Variants in KLRD1 observed in about 807,000 individuals in gnomAD.
KLRD1 encodes the protein natural killer cells antigen CD94.
A neutral mutation model predicts 22.6 loss-of-function variants in KLRD1; 21 were observed. The ratio of observed to expected loss-of-function variants is 0.93; its 90% CI spans 0.66 to 1.34. The LOEUF is 1.34. Ranked by LOEUF, KLRD1 falls within the 40% of genes most tolerant of loss-of-function variation. The probability of loss-of-function intolerance (pLI) is 0.00; values close to 1 mark genes in which losing one functional copy is unlikely to be tolerated. For missense variants in KLRD1, 183 were observed against 208.6 expected (o/e 0.88, Z 0.76); for synonymous variants, 59 against 71.1 (o/e 0.83, Z 0.85).
intron 1 of KLRD1, among the ~76,000 whole-genome samples, chr12:10,278,491 T>C (rs1423980313): frequency 1.3e-5 from 2 of 152,222 alleles, no homozygotes; most frequent in Non-Finnish European, 2.9e-5. Context: ...AAAAGCAATT[T>C]CTGACTCTAC....
chr12:10,254,469 A>G (rs1338926724), intron 1 of KLRD1, among the ~76,000 whole-genome samples: 1 of 151,876 alleles, frequency 6.6e-6, no homozygotes, highest in Non-Finnish European at 1.5e-5. Flanking sequence ...AACAGAGTAA[A>G]CAGACAATGT....
At chr12:10,282,257 C>T (rs1565458266) in intron 1 of KLRD1, among the ~76,000 whole-genome samples, 1 of 151,102 alleles carries the variant, frequency 6.6e-6, no homozygotes, top group Admixed American at 6.6e-5. Context: ...TGTATACATA[C>T]ATTTTTTTTT....
chr12:10,324,814 G>GTATATATATATA lies in KLRD1; in HGVS notation c.*10022_*10023insATATATATATAT, dbSNP rs1246906245. 1 of 11,950 alleles carries GTATATATATATA rather than the reference G, an allele frequency of 8.4e-5. No individual in the cohort carries two copies. The highest frequency in any genetic ancestry group is 1.8e-4 in the Non-Finnish European group (1 of 5,582). 0.7% of individuals were successfully genotyped at this position (11,950 alleles called of 1,614,324 possible). On this transcript the variant is annotated 3_prime_UTR_variant, in exon 6 of 6. Transcript: ENST00000336164. ...TGTAAGTATATATGTATATGTGTGT[G>GTATATATATATA]TGTGTATATATATATATATATATAT... is the stretch of plus-strand genomic sequence containing the variant.
At chr12:10,294,150 T>A (rs1199207088) in intron 1 of KLRD1, among the ~76,000 whole-genome samples, 12 of 152,224 alleles carry the variant, frequency 7.9e-5, no homozygotes, top group Non-Finnish European at 1.6e-4. Flanking sequence ...GAATATGGAC[T>A]TGAAGATTTC....
At position 10,320,441 on chromosome 12, in the gene KLRD1, T is replaced by C. The variant is rs1950301937; in HGVS notation, c.*5648T>C. The C allele has an allele frequency of 6.6e-6, 1 of 152,158 alleles. No homozygotes were observed. Among genetic ancestry groups the C allele is most frequent in the Admixed American group, 6.5e-5 (1 of 15,272 alleles). 9.4% of individuals were successfully genotyped at this position (152,158 alleles called of 1,614,324 possible). A position where few individuals can be genotyped will look rare whatever the true frequency, so the allele number is the denominator to read the frequency against. On this transcript the variant is annotated 3_prime_UTR_variant, in exon 6 of 6. Coordinates refer to ENST00000336164, the MANE Select transcript of KLRD1 (RefSeq NM_002262.5). Reference sequence around the variant, plus strand: ...AGTACCAGAAAGTTTAGCAACACTTTTGTCTGTAGCATTGTGGAAAGTAGA... The same window carrying C: ...AGTACCAGAAAGTTTAGCAACACTTCTGTCTGTAGCATTGTGGAAAGTAGA...
chr12:10,285,055 G>A (rs541197876), intron 1 of KLRD1, among the ~76,000 whole-genome samples: 56 of 152,226 alleles, frequency 3.7e-4, no homozygotes, highest in African/African-American at 1.3e-3. Flanking sequence ...TAGATGTATG[G>A]TGAGAGAACT....
At chr12:10,282,912 A>C (rs534058381) in intron 1 of KLRD1, among the ~76,000 whole-genome samples, 10 of 152,316 alleles carry the variant, frequency 6.6e-5, no homozygotes, top group Non-Finnish European at 1.2e-4. Context: ...GGAGGGACTG[A>C]GCAGAAATAG....
In KLRD1 at chr12:10,249,395, C is replaced by T. The variant is rs572463843; in HGVS notation, c.-101+23162C>T. Among the ~76,000 whole-genome samples the T allele has an allele frequency of 5.8e-4, 89 of 152,328 alleles. 2 individuals carry two copies. The South Asian group carries it at 0.018, about 30-fold the overall frequency. On this transcript the variant is annotated intron_variant, in intron 1 of 5. Coordinates refer to the KLRD1 transcript ENST00000544747. ...ATAACAACAGTTAACAATGCTTTCTCATTCAATCCCTAGAAAAACCTTGTG... is the reference window on the plus strand; with the variant it reads ...ATAACAACAGTTAACAATGCTTTCTTATTCAATCCCTAGAAAAACCTTGTG...
At chr12:10,292,546 C>G (rs773432462) in intron 1 of KLRD1, among the ~76,000 whole-genome samples, 1 of 152,072 alleles carries the variant, frequency 6.6e-6, no homozygotes, top group Non-Finnish European at 1.5e-5. Context: ...TTAAAGAAAT[C>G]TTTTTTTCTG....
chr12:10,271,097 G>GTTTT (rs71049082), intron 1 of KLRD1, among the ~76,000 whole-genome samples: 1 of 145,728 alleles, frequency 6.9e-6, no homozygotes. Flanking sequence ...CTCCCTAATT[G>GTTTT]TTTTTTTTTT....
At chr12:10,239,462 C>CTTA (rs1949215887) in intron 1 of KLRD1, among the ~76,000 whole-genome samples, 1 of 52,550 alleles carries the variant, frequency 1.9e-5, no homozygotes, top group African/African-American at 9.2e-5. Context: ...TCCTTCCTTC[C>CTTA]TTCCTTCCTT....
rs1555113908 is a variant in KLRD1, at chr12:10,324,818, G to GTATGTATATATATATATATA, written c.*10028_*10029insGTATATATATATATATATAT. 1 of 74,144 alleles carries GTATGTATATATATATATATA rather than the reference G, an allele frequency of 1.3e-5. No individual in the cohort carries two copies. The highest frequency in any genetic ancestry group is 2.7e-5 in the Non-Finnish European group (1 of 37,694). 4.6% of individuals were successfully genotyped at this position (74,144 alleles called of 1,614,324 possible). A position where few individuals can be genotyped will look rare whatever the true frequency, so the allele number is the denominator to read the frequency against. ...AGTATATATGTATATGTGTGTGTGT[G>GTATGTATATATATATATATA]TATATATATATATATATATATATAT... On this transcript the variant is annotated 3_prime_UTR_variant, in exon 6 of 6. Transcript: ENST00000336164.
At position 10,325,462 on chromosome 12, in the gene KLRD1, C is replaced by G. The variant is rs1228070692; in HGVS notation, c.*10669C>G. ...ATAGGTACAATGTTGTATAGTAGATCTCTATAATTTATTCATCTTGCATAA... is the reference window on the plus strand; with the variant it reads ...ATAGGTACAATGTTGTATAGTAGATGTCTATAATTTATTCATCTTGCATAA... On this transcript the variant is annotated 3_prime_UTR_variant, in exon 6 of 6. Transcript: ENST00000336164. 6.6e-6 allele frequency: 1 copy of G among 152,114 alleles called. No individual in the cohort carries two copies. The highest frequency in any genetic ancestry group is 2.4e-5 in the African/African-American group (1 of 41,410). The allele number at this position is 152,114 out of a possible 1,614,324, so 9.4% of individuals were successfully genotyped here. A position where few individuals can be genotyped will look rare whatever the true frequency, so the allele number is the denominator to read the frequency against.
At chr12:10,302,649 G>A (rs1015816858), upstream of KLRD1, among the ~76,000 whole-genome samples, 2 of 152,028 alleles carry the variant, frequency 1.3e-5, no homozygotes, top group Non-Finnish European at 2.9e-5. Context: ...TTGGTTGAGG[G>A]GCAGTGAAAC....
chr12:10,271,952 A>G (rs1356931306), intron 1 of KLRD1, among the ~76,000 whole-genome samples: 3 of 152,214 alleles, frequency 2.0e-5, no homozygotes, highest in Non-Finnish European at 4.4e-5. Flanking sequence ...GTTAATGTAT[A>G]TAAAGTCGAT....
upstream of KLRD1, among the ~76,000 whole-genome samples, chr12:10,306,128 C>T (rs1949922114): frequency 6.7e-6 from 1 of 149,782 alleles, no homozygotes; most frequent in Admixed American, 6.7e-5. Context: ...GAGTGAGCCA[C>T]TGCACTCCAG....
chr12:10,272,864 A>T (rs774236066), intron 1 of KLRD1, among the ~76,000 whole-genome samples: 23 of 152,176 alleles, frequency 1.5e-4, no homozygotes, highest in Non-Finnish European at 2.9e-4. Context: ...AACCATAAAG[A>T]TTTCCTCTTT....
At chr12:10,274,605 G>T (rs1949576448) in intron 1 of KLRD1, among the ~76,000 whole-genome samples, 1 of 152,018 alleles carries the variant, frequency 6.6e-6, no homozygotes, top group Non-Finnish European at 1.5e-5. Context: ...TTTTCATGCT[G>T]TCTCTTTGTC....
At chr12:10,310,626 AAT>A (rs1289359914) in intron 3 of KLRD1, among the ~76,000 whole-genome samples, 2 of 152,090 alleles carry the variant, frequency 1.3e-5, no homozygotes, top group Non-Finnish European at 2.9e-5. Flanking sequence ...CTGTACTAAA[AAT>A]ACAAAAATTA....
Sources: gnomAD v4.1 joint callset for allele counts (sites outside exome capture counted in the v4.1 genomes callset) on GRCh38, gnomAD v4.1.1 for gene constraint, MANE v1.5 for transcripts, NCBI Gene and HGNC (gene_info 2026-07-23, HGNC 2026-07-21) for gene names.